The following OPRL1 variants were observed in gnomAD, a reference collection of about 807,000 sequenced individuals.
The protein encoded by OPRL1 is nociceptin receptor.
A neutral mutation model predicts 15.5 loss-of-function variants in OPRL1; 5 were observed. That is an observed-to-expected ratio of 0.32 (90% CI 0.17 to 0.68). The LOEUF is 0.68. Ranked by LOEUF, OPRL1 falls within the 30% of genes least tolerant of loss-of-function variation. The probability of loss-of-function intolerance (pLI) is 0.72; values close to 1 mark genes in which losing one functional copy is unlikely to be tolerated. For missense variants in OPRL1, 406 were observed against 515.3 expected, an observed-to-expected ratio of 0.79 and a Z score of 2.05; for synonymous variants, 223 against 230.2, an observed-to-expected ratio of 0.97 and a Z score of 0.28.
At chr20:64,088,834 A>ATCTGTGCAGAGT (rs2060088802) in intron 1 of OPRL1, among the ~76,000 whole-genome samples, 6 of 91,186 alleles carry the variant, frequency 6.6e-5, no homozygotes, top group Non-Finnish European at 1.2e-4. Flanking sequence ...CTGTGCAGGG[A>ATCTGTGCAGAGT]GGGCAGGATC....
chr20:64,099,177 C>T lies in OPRL1; in HGVS notation c.*378C>T. 3.5e-6 allele frequency: 1 copy of T among 283,502 alleles called. No homozygotes were observed. Among genetic ancestry groups the T allele is most frequent in the East Asian group, 7.0e-5 (1 of 14,238 alleles). 17.6% of individuals were successfully genotyped at this position (283,502 alleles called of 1,614,324 possible). A position where few individuals can be genotyped will look rare whatever the true frequency, so the allele number is the denominator to read the frequency against. ...CTTGGCCTCTCTGCTGCTGCGTTGG[C>T]AGAACCCTGGGTGGGCAGGCACCCG... On this transcript the variant is annotated 3_prime_UTR_variant, in exon 5 of 5. Transcript: ENST00000336866.
chr20:64,095,670 C>G (rs1280417029), intron 3 of OPRL1, among the ~76,000 whole-genome samples: 2 of 151,696 alleles, frequency 1.3e-5, no homozygotes, highest in Non-Finnish European at 2.9e-5. Flanking sequence ...TCTTATTGGT[C>G]CAGGATGTTT....
Position 64,083,766 on chromosome 20 carries a change from C to T in OPRL1, c.-185+3414C>T, listed in dbSNP as rs1193052053. 12 of 1,332,438 alleles carry T rather than the reference C, an allele frequency of 9.0e-6. No homozygotes were observed. Among genetic ancestry groups the T allele is most frequent in the Non-Finnish European group, 1.1e-5 (12 of 1,047,182 alleles). The allele number at this position is 1,332,438 out of a possible 1,614,324, so 82.5% of individuals were successfully genotyped here. A position where few individuals can be genotyped will look rare whatever the true frequency, so the allele number is the denominator to read the frequency against. On this transcript the variant is annotated intron_variant, in intron 1 of 4. Coordinates refer to ENST00000336866, the MANE Select transcript of OPRL1 (RefSeq NM_182647.4). The surrounding 1 kb of genome is among the most constrained non-coding windows in gnomAD (Gnocchi z 4.9). ...CCGCCCCGCCCCGCCCCGGCCGGCT[C>T]CGCTCAACGCTCCCGGTGCGCCCCC...
rs1413837033 is a variant in OPRL1 at position 64,090,893 on chromosome 20, CTGAT to C, written c.-184-1072_-184-1069del. 6.2e-4 allele frequency among the ~76,000 whole-genome samples: 1 copy of C among 1,620 alleles called. No homozygotes were observed. The highest frequency in any genetic ancestry group is 5.1e-3 in the African/African-American group (1 of 196). 1.1% of individuals were successfully genotyped at this position (1,620 alleles called of 152,430 possible). A position where few individuals can be genotyped will look rare whatever the true frequency, so the allele number is the denominator to read the frequency against. On this transcript the variant is annotated intron_variant, in intron 1 of 4. Coordinates refer to ENST00000336866, the MANE Select transcript of OPRL1 (RefSeq NM_182647.4). This position sits in a 1 kb window ranked among gnomAD's most constrained non-coding sequence, Gnocchi z 4.9. The stretch of plus-strand genomic sequence containing the variant: ...AGCTGTGGCAGAGGTGCCCTGGGCA[CTGAT>C]CTGGGGCCCAGCTGTGGCAGGGGTG...
Position 64,087,593 on chromosome 20 carries a change from G to A in OPRL1, c.-184-4373G>A, listed in dbSNP as rs1438408654. Among the ~76,000 whole-genome samples the A allele has an allele frequency of 8.7e-5, 8 of 91,634 alleles. No homozygotes were observed. The East Asian group carries it at 2.7e-3, about 31-fold the overall frequency. 60.1% of individuals were successfully genotyped at this position (91,634 alleles called of 152,430 possible). A position where few individuals can be genotyped will look rare whatever the true frequency, so the allele number is the denominator to read the frequency against. ...TCTGTGCTGTCATTCGCGTGTCATCGTTCGTGTCTTGGGCTATCCCTAGTA... is the reference window on the plus strand; with the variant it reads ...TCTGTGCTGTCATTCGCGTGTCATCATTCGTGTCTTGGGCTATCCCTAGTA... On this transcript the variant is annotated intron_variant, in intron 1 of 4. Transcript: ENST00000336866.
intron 1 of OPRL1, among the ~76,000 whole-genome samples, chr20:64,085,461 G>A (rs747725470): frequency 6.6e-6 from 1 of 152,130 alleles, no homozygotes; most frequent in South Asian, 2.1e-4. Flanking sequence ...GGGATCTTGG[G>A]TCCTAGATAC....
intron 1 of OPRL1, among the ~76,000 whole-genome samples, chr20:64,087,752 T>A (rs1340315416): frequency 6.6e-6 from 1 of 152,282 alleles, no homozygotes; most frequent in Non-Finnish European, 1.5e-5. Context: ...TCATATAACA[T>A]GTGCCTCTTG....
At position 64,083,604 on chromosome 20, in the gene OPRL1, C is replaced by G; in HGVS notation, c.-185+3252C>G. On this transcript the variant is annotated intron_variant, in intron 1 of 4. Transcript: ENST00000336866. This position sits in a 1 kb window ranked among gnomAD's most constrained non-coding sequence, Gnocchi z 4.9. ...GCACCTCTTGGCGGTCCAGGGGGTC[C>G]GGGATCCGCGCGGGCTTCAGCTGCG... 1.3e-6 allele frequency: 2 copies of G among 1,482,140 alleles called. No individual in the cohort carries two copies. The highest frequency in any genetic ancestry group is 2.7e-5 in the East Asian group (1 of 37,676). 91.8% of individuals were successfully genotyped at this position (1,482,140 alleles called of 1,614,324 possible).
chr20:64,095,239 TGGG>T (rs1162577855), intron 3 of OPRL1, among the ~76,000 whole-genome samples: 1 of 33,502 alleles, frequency 3.0e-5, no homozygotes, highest in African/African-American at 1.4e-4. Flanking sequence ...GGGGGGATAG[TGGG>T]GGGATAGCAT....
chr20:64,090,100 A>G lies in OPRL1; in HGVS notation c.-184-1866A>G, dbSNP rs2060105256. On this transcript the variant is annotated intron_variant, in intron 1 of 4. Coordinates refer to ENST00000336866, the MANE Select transcript of OPRL1 (RefSeq NM_182647.4). This position sits in a 1 kb window ranked among gnomAD's most constrained non-coding sequence, Gnocchi z 4.9. ...AGGTGTCCATGCACACTCTAGGTCT[A>G]CCCATGTGCCTGCGTGCACGTTGGC... Among the ~76,000 whole-genome samples the G allele has an allele frequency of 6.6e-6, 1 of 151,952 alleles. No individual in the cohort carries two copies. Among genetic ancestry groups the G allele is most frequent in the Non-Finnish European group, 1.5e-5 (1 of 67,982 alleles).
chr20:64,085,406 G>A (rs947441335), intron 1 of OPRL1, among the ~76,000 whole-genome samples: 1 of 152,160 alleles, frequency 6.6e-6, no homozygotes, highest in Non-Finnish European at 1.5e-5. Context: ...CAGGGGTCCT[G>A]GTGTCCCCAG....
rs756713959 is a variant in OPRL1 at position 64,098,422 on chromosome 20, C to A, written c.736C>A (p.Arg246Ser). Residue 246 changes from arginine (R) to serine (S), a missense_variant, in exon 5 of 5, where the codon CGC (arginine) becomes AGC (serine). Arg to Ser is a moderately radical substitution (Grantham distance 110). Transcript: ENST00000336866. The part of the protein sequence containing the change: ...SLMIRRLRGV[R>S]LLSGSREKDR... Reference sequence around the variant, plus strand: ...CATGATCCGGCGGCTCCGTGGAGTCCGCCTGCTCTCGGGCTCCCGAGAGAA... The same window carrying A: ...CATGATCCGGCGGCTCCGTGGAGTCAGCCTGCTCTCGGGCTCCCGAGAGAA... 6.2e-7 allele frequency: 1 copy of A among 1,613,566 alleles called. No homozygotes were observed. Among genetic ancestry groups the A allele is most frequent in the Non-Finnish European group, 8.5e-7 (1 of 1,180,010 alleles).
Position 64,083,716 on chromosome 20 carries a change from C to T in OPRL1, c.-185+3364C>T. The T allele has an allele frequency of 1.5e-6, 2 of 1,363,240 alleles. No individual in the cohort carries two copies. Among genetic ancestry groups the T allele is most frequent in the Non-Finnish European group, 1.9e-6 (2 of 1,066,484 alleles). 84.4% of individuals were successfully genotyped at this position (1,363,240 alleles called of 1,614,324 possible). On this transcript the variant is annotated intron_variant, in intron 1 of 4. Coordinates refer to ENST00000336866, the MANE Select transcript of OPRL1 (RefSeq NM_182647.4). This position sits in a 1 kb window ranked among gnomAD's most constrained non-coding sequence, Gnocchi z 4.9. ...CGCGATCTCCTCGGCCTGCGGGGCCCGGGTAGCTGAGCGCGCGCCGAGCCC... is the reference window on the plus strand; with the variant it reads ...CGCGATCTCCTCGGCCTGCGGGGCCTGGGTAGCTGAGCGCGCGCCGAGCCC...
At chr20:64,080,641 C>A (rs1313757124) in intron 1 of OPRL1, among the ~76,000 whole-genome samples, 4 of 152,332 alleles carry the variant, frequency 2.6e-5, no homozygotes, top group East Asian at 3.9e-4. Context: ...CTCTTCTCAT[C>A]CTTTATGACT....
chr20:64,088,802 A>G lies in OPRL1; in HGVS notation c.-184-3164A>G, dbSNP rs1193279854. Among the ~76,000 whole-genome samples, 117 of 136,804 alleles carry G rather than the reference A, an allele frequency of 8.6e-4. 1 individual carries two copies. The highest frequency in any genetic ancestry group is 1.2e-3 in the South Asian group (5 of 4,316). 89.7% of individuals were successfully genotyped at this position (136,804 alleles called of 152,430 possible). ...GTAGGATCTGTGCAGAGTGGCCAGG[A>G]TCTGTGCAGAGTGGCCAGGATCTGT... On this transcript the variant is annotated intron_variant, in intron 1 of 4. Transcript: ENST00000336866.
rs377288456 is a variant in OPRL1, at chr20:64,100,309, T to G, written c.*1510T>G. 7 of 152,220 alleles carry G rather than the reference T, an allele frequency of 4.6e-5. No individual in the cohort carries two copies. The East Asian group carries it at 1.3e-3, about 29-fold the overall frequency. 9.4% of individuals were successfully genotyped at this position (152,220 alleles called of 1,614,324 possible). On this transcript the variant is annotated 3_prime_UTR_variant, in exon 5 of 5. Coordinates refer to ENST00000336866, the MANE Select transcript of OPRL1 (RefSeq NM_182647.4). ...GGCCAGGTAACCTACCTTAGGCACC[T>G]GCAAAGAACAGGAAGTGATGGCTGT...
rs1979634103 is a variant in OPRL1 at position 64,099,910 on chromosome 20, G to A, written c.*1111G>A. On this transcript the variant is annotated 3_prime_UTR_variant, in exon 5 of 5. Transcript: ENST00000336866. ...CGGGGGAAGCTGTGTGGAAGGAGAA[G>A]CTGGTGGCCACAGCAGAGTCCTGCT... 1 of 152,374 alleles carries A rather than the reference G, an allele frequency of 6.6e-6. No individual in the cohort carries two copies. The highest frequency in any genetic ancestry group is 2.1e-4 in the South Asian group (1 of 4,840). The allele number at this position is 152,374 out of a possible 1,614,324, so 9.4% of individuals were successfully genotyped here.
In OPRL1 at chr20:64,083,633, G is replaced by T; in HGVS notation, c.-185+3281G>T. On this transcript the variant is annotated intron_variant, in intron 1 of 4. Transcript: ENST00000336866. This position sits in a 1 kb window ranked among gnomAD's most constrained non-coding sequence, Gnocchi z 4.9. ...ATCCGCGCGGGCTTCAGCTGCGGCG[G>T]CAGGAACAGCTCCAGCCGGATGGCG... is the stretch of plus-strand genomic sequence containing the variant. 1 of 1,474,020 alleles carries T rather than the reference G, an allele frequency of 6.8e-7. No homozygotes were observed. The highest frequency in any genetic ancestry group is 2.5e-5 in the Admixed American group (1 of 40,208). The allele number at this position is 1,474,020 out of a possible 1,614,324, so 91.3% of individuals were successfully genotyped here.
intron 4 of OPRL1, 26 bp from the exon 5 acceptor site, chr20:64,098,250 C>T: frequency 1.2e-6 from 2 of 1,606,304 alleles, no homozygotes; most frequent in Non-Finnish European, 8.5e-7. Context: ...CCTGGGCCCA[C>T]TCTGACCCCG....
Sources: gnomAD v4.1 joint callset for allele counts (sites outside exome capture counted in the v4.1 genomes callset) on GRCh38, gnomAD v4.1.1 for gene constraint, Gnocchi (gnomAD v3.1) non-coding constraint, MANE v1.5 for transcripts, NCBI Gene and HGNC (gene_info 2026-07-23, HGNC 2026-07-21) for gene names.